The following SUGT1 variants were observed in gnomAD, a reference collection of about 807,000 sequenced individuals.
SUGT1 encodes the protein protein SGT1 homolog.
Under a neutral mutation model 56.1 loss-of-function variants are expected in SUGT1, and 15 were observed. The ratio of observed to expected loss-of-function variants is 0.27; its 90% CI spans 0.18 to 0.41. The LOEUF is 0.41. Among genes scored for constraint, SUGT1 ranks in the 10% least tolerant of loss-of-function variants. The probability of loss-of-function intolerance (pLI) is 1.00; values close to 1 mark genes in which losing one functional copy is unlikely to be tolerated. For missense variants in SUGT1, 347 were observed against 382.2 expected (o/e 0.91, Z 0.77); for synonymous variants, 123 against 128.6 (o/e 0.96, Z 0.30).
chr13:52,653,043 C>T lies in SUGT1; in HGVS notation c.39-3C>T, dbSNP rs759950865. Reference sequence around the variant, plus strand: ...CCTGCTGAAGTCGTTGTTTTCCTGACAGGTTTTTCCAGAGCTTCTCGGATG... The same window carrying T: ...CCTGCTGAAGTCGTTGTTTTCCTGATAGGTTTTTCCAGAGCTTCTCGGATG... On this transcript the variant is annotated splice_region_variant and splice_polypyrimidine_tract_variant and intron_variant, in intron 1 of 12. Transcript: ENST00000310528. 17 of 1,614,008 alleles carry T rather than the reference C, an allele frequency of 1.1e-5. No homozygotes were observed. Among genetic ancestry groups the T allele is most frequent in the South Asian group, 3.3e-5 (3 of 91,088 alleles).
chr13:52,658,372 A>T, intron 3 of SUGT1, 27 bp from the exon 4 acceptor site: 3 of 1,608,390 alleles, frequency 1.9e-6, no homozygotes, highest in Non-Finnish European at 2.5e-6. Context: ...TAAATAACTG[A>T]CTAAAAACCC....
At chr13:52,681,575 C>T (rs1346593996) in intron 12 of SUGT1, among the ~76,000 whole-genome samples, 2 of 151,982 alleles carry the variant, frequency 1.3e-5, no homozygotes, top group African/African-American at 4.8e-5. Context: ...ATGATACTGA[C>T]AGTTAAGATA....
chr13:52,673,679 T>TA (rs1963029562), intron 10 of SUGT1, among the ~76,000 whole-genome samples: 1 of 152,250 alleles, frequency 6.6e-6, no homozygotes, highest in East Asian at 1.9e-4. Flanking sequence ...TGTTCATAGT[T>TA]ACAGGAACAT....
intron 10 of SUGT1, 94 bp from the exon 11 acceptor site, chr13:52,676,136 C>A: frequency 3.3e-6 from 3 of 921,318 alleles, no homozygotes; most frequent in Non-Finnish European, 4.8e-6. Flanking sequence ...AGATACTATT[C>A]TTAACAAAAC....
chr13:52,652,852 C>CT lies in SUGT1; in HGVS notation c.-67dup. The CT allele has an allele frequency of 6.3e-7, 1 of 1,577,844 alleles. No homozygotes were observed. Among genetic ancestry groups the CT allele is most frequent in the Non-Finnish European group, 8.6e-7 (1 of 1,160,488 alleles). On this transcript the variant is annotated 5_prime_UTR_variant, in exon 1 of 13. Coordinates refer to ENST00000310528, the MANE Select transcript of SUGT1 (RefSeq NM_006704.5). ...TTGGTGTTTCTCCAGAAGTTTCCCC[C>CT]TTGGGCGGTGGTGGAGGTGGTAACC... is the stretch of plus-strand genomic sequence containing the variant.
At chr13:52,656,562 C>G (rs530089070) in intron 2 of SUGT1, among the ~76,000 whole-genome samples, 1 of 152,258 alleles carries the variant, frequency 6.6e-6, no homozygotes, top group South Asian at 2.1e-4. Context: ...GGTCCAAATT[C>G]CTTATAACTG....
chr13:52,678,653 A>G (rs1433670024), intron 11 of SUGT1, among the ~76,000 whole-genome samples: 1 of 144,892 alleles, frequency 6.9e-6, no homozygotes, highest in East Asian at 2.0e-4. Flanking sequence ...GAAAAAAAGA[A>G]TATAAAATAT....
rs1963658268 is a variant in SUGT1, at chr13:52,687,874, C to G, written c.*39C>G. The G allele has an allele frequency of 1.5e-6, 2 of 1,355,112 alleles. No individual in the cohort carries two copies. 83.9% of individuals were successfully genotyped at this position (1,355,112 alleles called of 1,614,324 possible). A position where few individuals can be genotyped will look rare whatever the true frequency, so the allele number is the denominator to read the frequency against. On this transcript the variant is annotated 3_prime_UTR_variant, in exon 13 of 13. Coordinates refer to ENST00000310528, the MANE Select transcript of SUGT1 (RefSeq NM_006704.5). ...CTCTCATCGTATTGTGTATATTCAC[C>G]TAATGCCCATTGTGTATTGATATTG... is the stretch of plus-strand genomic sequence containing the variant.
Position 52,694,992 on chromosome 13 carries a change from GGT to G in SUGT1, c.*7158_*7159del. On this transcript the variant is annotated 3_prime_UTR_variant, in exon 13 of 13. Transcript: ENST00000310528. Reference sequence around the variant, plus strand: ...CGTGAGCCACCATGCCCAGCCTGCTGGTAGATGTTTTTATGAGTTAATTCATC... The same window carrying G: ...CGTGAGCCACCATGCCCAGCCTGCTGAGATGTTTTTATGAGTTAATTCATC... 6.6e-6 allele frequency: 1 copy of G among 152,402 alleles called. No homozygotes were observed. The highest frequency in any genetic ancestry group is 6.5e-5 in the Admixed American group (1 of 15,306). The allele number at this position is 152,402 out of a possible 1,614,324, so 9.4% of individuals were successfully genotyped here. A position where few individuals can be genotyped will look rare whatever the true frequency, so the allele number is the denominator to read the frequency against.
intron 12 of SUGT1, among the ~76,000 whole-genome samples, chr13:52,680,934 C>T (rs1378440576): frequency 3.3e-5 from 5 of 151,972 alleles, no homozygotes; most frequent in South Asian, 2.1e-4. Context: ...CTCTGTCTGC[C>T]GGGCTCAAGT....
chr13:52,684,207 C>T (rs1262144044), intron 12 of SUGT1, among the ~76,000 whole-genome samples: 2 of 152,040 alleles, frequency 1.3e-5, no homozygotes, highest in East Asian at 3.9e-4. Context: ...GGCCTCCCTA[C>T]TCTTTTGATG....
At chr13:52,673,293 C>T (rs1421132110) in intron 10 of SUGT1, among the ~76,000 whole-genome samples, 8 of 149,224 alleles carry the variant, frequency 5.4e-5, no homozygotes, top group Non-Finnish European at 1.2e-4. Flanking sequence ...GTTGCCCATG[C>T]TGGAGTGCAG....
At position 52,693,987 on chromosome 13, in the gene SUGT1, T is replaced by C. The variant is rs1469532944; in HGVS notation, c.*6152T>C. On this transcript the variant is annotated 3_prime_UTR_variant, in exon 13 of 13. Coordinates refer to ENST00000310528, the MANE Select transcript of SUGT1 (RefSeq NM_006704.5). ...TTTATAAATTAGGCACAGTAAGATA[T>C]TAATAATAGAATATACAATATACCG... is the stretch of plus-strand genomic sequence containing the variant. 6.6e-6 allele frequency: 1 copy of C among 152,204 alleles called. No individual in the cohort carries two copies. Among genetic ancestry groups the C allele is most frequent in the African/African-American group, 2.4e-5 (1 of 41,458 alleles). The allele number at this position is 152,204 out of a possible 1,614,324, so 9.4% of individuals were successfully genotyped here.
At chr13:52,684,855 A>G (rs2138176162) in intron 12 of SUGT1, among the ~76,000 whole-genome samples, 1 of 151,036 alleles carries the variant, frequency 6.6e-6, no homozygotes, top group East Asian at 2.0e-4. Context: ...CTGTTTTCCT[A>G]GGCAGCGTCC....
At chr13:52,657,501 T>C (rs1213859642) in intron 2 of SUGT1, 31 bp from the exon 3 acceptor site, 5 of 1,592,794 alleles carry the variant, frequency 3.1e-6, no homozygotes, top group Middle Eastern at 1.7e-4. Context: ...TTACAAACTT[T>C]TACTGACGCT....
intron 5 of SUGT1, 94 bp from the exon 6 acceptor site, chr13:52,662,555 A>G: frequency 7.5e-7 from 1 of 1,338,460 alleles, no homozygotes; most frequent in Non-Finnish European, 1.1e-6. Context: ...CAGTGCCTAG[A>G]ACACTGCCTG....
intron 12 of SUGT1, among the ~76,000 whole-genome samples, chr13:52,682,086 T>G (rs61455734): frequency 0.015 from 2,340 of 152,298 alleles, 60 homozygotes; most frequent in African/African-American, 0.053. Flanking sequence ...ATTTACCGCT[T>G]TTTATGGATC....
intron 10 of SUGT1, among the ~76,000 whole-genome samples, chr13:52,669,697 ATTT>A (rs1962852761): frequency 1.3e-5 from 2 of 152,146 alleles, no homozygotes. Flanking sequence ...GAATCTCTGT[ATTT>A]TATATACCAT....
Position 52,658,486 on chromosome 13 carries a change from T to C in SUGT1, c.257+18T>C. ...AGAAAAGGGTATGCAGTAGCTACTC[T>C]TCTTGTTGAGCTTGGTATAGATAGT... On this transcript the variant is annotated intron_variant, in intron 4 of 12. Transcript: ENST00000310528. 1 of 1,603,596 alleles carries C rather than the reference T, an allele frequency of 6.2e-7. No individual in the cohort carries two copies. The highest frequency in any genetic ancestry group is 1.1e-5 in the South Asian group (1 of 88,154).
Sources: gnomAD v4.1 joint callset for allele counts (sites outside exome capture counted in the v4.1 genomes callset) on GRCh38, gnomAD v4.1.1 for gene constraint, MANE v1.5 for transcripts, NCBI Gene and HGNC (gene_info 2026-07-23, HGNC 2026-07-21) for gene names.